Variants in CDK19 observed in about 807,000 individuals in gnomAD.
The protein encoded by CDK19 is cyclin-dependent kinase 19.
In CDK19, 20 loss-of-function variants were observed where a neutral mutation model predicts 68.3. That is an observed-to-expected ratio of 0.29 (90% CI 0.21 to 0.43). CDK19 has a LOEUF of 0.43. Ranked by LOEUF, CDK19 falls within the 20% of genes least tolerant of loss-of-function variation. The probability of loss-of-function intolerance (pLI) is 1.00; values close to 1 mark genes in which losing one functional copy is unlikely to be tolerated. For missense variants in CDK19, 339 were observed against 623.5 expected (o/e 0.54, Z 4.86); for synonymous variants, 221 against 222.8 (o/e 0.99, Z 0.07).
chr6:110,641,840 AAAC>A (rs759038739), intron 4 of CDK19, among the ~76,000 whole-genome samples: 9 of 152,196 alleles, frequency 5.9e-5, no homozygotes, highest in Non-Finnish European at 1.2e-4. Context: ...GGATAAGCAT[AAAC>A]AACAAAAATG....
chr6:110,629,024 T>G (rs1779274551), intron 6 of CDK19, among the ~76,000 whole-genome samples: 1 of 152,150 alleles, frequency 6.6e-6, no homozygotes, highest in Non-Finnish European at 1.5e-5. Context: ...ATACTGGTTG[T>G]CACTCTTCCC....
intron 2 of CDK19, among the ~76,000 whole-genome samples, chr6:110,719,102 A>C (rs1237417714): frequency 6.6e-6 from 1 of 152,206 alleles, no homozygotes; most frequent in Non-Finnish European, 1.5e-5. Flanking sequence ...AGGGAGAAAA[A>C]AGAAATAAGA....
intron 2 of CDK19, among the ~76,000 whole-genome samples, chr6:110,672,291 C>G (rs1336302929): frequency 6.6e-6 from 1 of 152,178 alleles, no homozygotes; most frequent in East Asian, 1.9e-4. Context: ...AACTCCACTT[C>G]CGCATCTAAA....
In CDK19 at chr6:110,760,396, CAAAAAAAAAAAA is replaced by C. The variant is rs34613571; in HGVS notation, c.129-14207_129-14196del. Among the ~76,000 whole-genome samples the C allele has an allele frequency of 1.3e-4, 5 of 39,778 alleles. 1 individual carries two copies. Among genetic ancestry groups the C allele is most frequent in the African/African-American group, 2.1e-4 (2 of 9,592 alleles). The allele number at this position is 39,778 out of a possible 152,430, so 26.1% of individuals were successfully genotyped here. On this transcript the variant is annotated intron_variant, in intron 1 of 12. Coordinates refer to ENST00000368911, the MANE Select transcript of CDK19 (RefSeq NM_015076.5). ...TGGGCCACAGAGCAAGGCTTTGTCT[CAAAAAAAAAAAA>C]AAAAAAAAAAAAAGCCTCAACTATA...
intron 2 of CDK19, among the ~76,000 whole-genome samples, chr6:110,697,893 A>C (rs1773621991): frequency 6.6e-6 from 1 of 152,156 alleles, no homozygotes; most frequent in South Asian, 2.1e-4. Context: ...TCGACAAAGC[A>C]AACAAAAATA....
intron 12 of CDK19, among the ~76,000 whole-genome samples, chr6:110,614,886 A>C (rs951659978): frequency 6.6e-6 from 1 of 152,224 alleles, no homozygotes; most frequent in Admixed American, 6.5e-5. Context: ...AAATTTGGCT[A>C]GATTTTTGTG....
At chr6:110,734,035 T>A (rs1416516969) in intron 2 of CDK19, among the ~76,000 whole-genome samples, 1 of 152,122 alleles carries the variant, frequency 6.6e-6, no homozygotes, top group Non-Finnish European at 1.5e-5. Context: ...TTTTGTTTGT[T>A]TTTTTGAGAC....
chr6:110,657,555 G>A (rs575149087), intron 4 of CDK19, among the ~76,000 whole-genome samples: 19 of 151,894 alleles, frequency 1.3e-4, no homozygotes, highest in East Asian at 3.9e-4. Flanking sequence ...ATAAAATAGC[G>A]TGCCTAAATT....
chr6:110,679,133 GCCCTAT>G (rs1771783880), intron 2 of CDK19, among the ~76,000 whole-genome samples: 1 of 151,922 alleles, frequency 6.6e-6, no homozygotes, highest in Admixed American at 6.6e-5. Flanking sequence ...CACAGCAAGA[GCCCTAT>G]CTCTACAAAA....
intron 1 of CDK19, among the ~76,000 whole-genome samples, chr6:110,773,538 G>A (rs915222941): frequency 2.0e-5 from 3 of 152,078 alleles, no homozygotes; most frequent in Non-Finnish European, 2.9e-5. Context: ...AAGTTCCCAC[G>A]AAGAAATCAG....
At chr6:110,754,004 G>A (rs1254712492) in intron 1 of CDK19, among the ~76,000 whole-genome samples, 6 of 150,590 alleles carry the variant, frequency 4.0e-5, no homozygotes, top group African/African-American at 1.5e-4. Flanking sequence ...AATATTTAAT[G>A]CTTAATTTGT....
chr6:110,764,984 A>AAATAAATAAATAAATAAAT (rs1478455172), intron 1 of CDK19, among the ~76,000 whole-genome samples: 2 of 46,976 alleles, frequency 4.3e-5, no homozygotes, highest in Admixed American at 2.2e-4. Context: ...AATAAATAAA[A>AAATAAATAAATAAATAAAT]ATTTTAGGGG....
intron 1 of CDK19, among the ~76,000 whole-genome samples, chr6:110,762,924 A>AC (rs1779324369): frequency 6.6e-6 from 1 of 152,200 alleles, no homozygotes; most frequent in African/African-American, 2.4e-5. Context: ...CAAATATTTG[A>AC]TGAATTGATT....
Position 110,632,129 on chromosome 6 carries a change from G to A in CDK19, c.547C>T (p.Pro183Ser). ...DMGFARLFNS[P>S]LKPLADLDPV... ...TCCAAATCTGCTAGTGGCTTTAGAG[G>A]AGAATTGAATAATCTGGCAAAACCC... Residue 183 changes from proline to serine, a missense_variant, in exon 6 of 13, where the codon CCT (proline) becomes TCT (serine). By Grantham distance (74) the Pro-to-Ser change is moderately conservative (BLOSUM62 -1). Coordinates refer to ENST00000368911, the MANE Select transcript of CDK19 (RefSeq NM_015076.5). 4 of 1,612,082 alleles carry A rather than the reference G, an allele frequency of 2.5e-6. No individual in the cohort carries two copies. Among genetic ancestry groups the A allele is most frequent in the African/African-American group, 1.3e-5 (1 of 74,882 alleles).
chr6:110,631,111 C>T (rs1337032026), intron 6 of CDK19, among the ~76,000 whole-genome samples: 2 of 152,144 alleles, frequency 1.3e-5, no homozygotes, highest in Non-Finnish European at 2.9e-5. Context: ...TTTATACTTG[C>T]AGTGCCTTTA....
At chr6:110,730,943 T>C (rs770275710) in intron 2 of CDK19, among the ~76,000 whole-genome samples, 5 of 151,884 alleles carry the variant, frequency 3.3e-5, no homozygotes, top group African/African-American at 1.2e-4. Context: ...TCCCAGCTAC[T>C]TGGGAGGCTG....
At chr6:110,692,263 C>T (rs1024019050) in intron 2 of CDK19, among the ~76,000 whole-genome samples, 10 of 148,810 alleles carry the variant, frequency 6.7e-5, no homozygotes, top group African/African-American at 2.5e-4. Flanking sequence ...CACTGCACTC[C>T]AGCCTGGTGA....
intron 5 of CDK19, among the ~76,000 whole-genome samples, chr6:110,637,226 A>G (rs1402047891): frequency 6.6e-6 from 1 of 152,256 alleles, no homozygotes; most frequent in East Asian, 1.9e-4. Flanking sequence ...ACCATCCTTT[A>G]TCTCCCTTTC....
chr6:110,663,899 G>C (rs1009884835), intron 4 of CDK19, among the ~76,000 whole-genome samples: 1 of 152,104 alleles, frequency 6.6e-6, no homozygotes, highest in African/African-American at 2.4e-5. Context: ...AAATGTGTGG[G>C]TAAAATATAA....
Sources: gnomAD v4.1 joint callset for allele counts (sites outside exome capture counted in the v4.1 genomes callset) on GRCh38, gnomAD v4.1.1 for gene constraint, MANE v1.5 for transcripts, NCBI Gene and HGNC (gene_info 2026-07-23, HGNC 2026-07-21) for gene names.